CCSER1: variants seen among roughly 807,000 people sequenced by gnomAD.
CCSER1 encodes serine-rich coiled-coil domain-containing protein 1.
Under a neutral mutation model 82.0 loss-of-function variants are expected in CCSER1, and 41 were observed. The observed-to-expected ratio is 0.50, with a 90% CI of 0.39 to 0.65. The LOEUF is 0.65. Ranked by LOEUF, CCSER1 falls within the 30% of genes least tolerant of loss-of-function variation. The pLI is 0.00. For missense variants in CCSER1, 1,119 were observed against 1,064.2 expected, an observed-to-expected ratio of 1.05 and a Z score of -0.72; for synonymous variants, 414 against 383.9, an observed-to-expected ratio of 1.08 and a Z score of -0.92.
chr4:91,540,947 C>T (rs1761559470), intron 10 of CCSER1, among the ~76,000 whole-genome samples: 1 of 152,158 alleles, frequency 6.6e-6, no homozygotes, highest in Admixed American at 6.5e-5. Flanking sequence ...ATTACTATAG[C>T]TTCCTAGTAA....
chr4:90,306,376 G>T (rs1057255483), intron 1 of CCSER1, among the ~76,000 whole-genome samples: 1 of 152,082 alleles, frequency 6.6e-6, no homozygotes, highest in Non-Finnish European at 1.5e-5. Flanking sequence ...ATATGTATAT[G>T]AGGTGATAAG....
chr4:90,850,908 A>C (rs967010042), intron 8 of CCSER1, among the ~76,000 whole-genome samples: 2 of 152,108 alleles, frequency 1.3e-5, no homozygotes, highest in African/African-American at 4.8e-5. Flanking sequence ...TCCCCACCCA[A>C]ATCTCACCTT....
At chr4:90,365,444 C>T (rs921226888) in intron 3 of CCSER1, among the ~76,000 whole-genome samples, 1 of 151,630 alleles carries the variant, frequency 6.6e-6, no homozygotes, top group African/African-American at 2.4e-5. Flanking sequence ...TCTACTTGAA[C>T]TAATCAAAAT....
At chr4:91,419,253 G>T (rs913556535) in intron 10 of CCSER1, among the ~76,000 whole-genome samples, 1 of 151,852 alleles carries the variant, frequency 6.6e-6, no homozygotes, top group Non-Finnish European at 1.5e-5. Flanking sequence ...AAAAATAAAT[G>T]AATAGAAGGC....
chr4:91,542,407 T>G (rs564441856), intron 10 of CCSER1, among the ~76,000 whole-genome samples: 1 of 152,130 alleles, frequency 6.6e-6, no homozygotes, highest in Non-Finnish European at 1.5e-5. Context: ...ATTTTTGTAT[T>G]AGGTGTAAGG....
rs1242281064 is a variant in CCSER1, at chr4:91,525,741, ACCTATGCTTCTTCTT to A, written c.2218-72830_2218-72816del. 1.3e-5 allele frequency among the ~76,000 whole-genome samples: 2 copies of A among 151,982 alleles called. 1 individual carries two copies. Among genetic ancestry groups the A allele is most frequent in the African/African-American group, 4.8e-5 (2 of 41,424 alleles). On this transcript the variant is annotated intron_variant, in intron 10 of 10. Coordinates refer to ENST00000509176, the MANE Select transcript of CCSER1 (RefSeq NM_001145065.2). ...TACTCCAAGTACACTCTACCCTCTTACCTATGCTTCTTCTTATTTGTCTCATATACGTAGCCTCAA... is the reference window on the plus strand; with the variant it reads ...TACTCCAAGTACACTCTACCCTCTTAATTTGTCTCATATACGTAGCCTCAA...
intron 10 of CCSER1, among the ~76,000 whole-genome samples, chr4:91,587,621 C>T (rs1306208365): frequency 2.0e-5 from 3 of 151,684 alleles, no homozygotes; most frequent in African/African-American, 7.3e-5. Flanking sequence ...GCATATCCAT[C>T]GTTCATGAGA....
chr4:90,523,785 A>C (rs1773418212), intron 5 of CCSER1, among the ~76,000 whole-genome samples: 1 of 152,128 alleles, frequency 6.6e-6, no homozygotes, highest in African/African-American at 2.4e-5. Flanking sequence ...AGATTTCCTA[A>C]AAGTTTGTGG....
rs573660487 is a variant in CCSER1, at chr4:90,644,766, G to A, written c.1932+16534G>A. On this transcript the variant is annotated intron_variant, in intron 6 of 10. Transcript: ENST00000509176. ...AGTTTGCTGAGGATAATGGCTTCCA[G>A]CTCCATCTATGTCCCTTCAAAGGAC... Among the ~76,000 whole-genome samples the A allele has an allele frequency of 5.9e-5, 9 of 151,996 alleles. No individual in the cohort carries two copies. The East Asian group carries it at 9.7e-4, about 16-fold the overall frequency.
Position 90,317,771 on chromosome 4 carries a change from G to C in CCSER1, c.1509+4724G>C, listed in dbSNP as rs572427651. On this transcript the variant is annotated intron_variant, in intron 3 of 10. Coordinates refer to ENST00000509176, the MANE Select transcript of CCSER1 (RefSeq NM_001145065.2). Reference sequence around the variant, plus strand: ...TGTCTCCTCCTCCTGTATTCAGGCTGTGGAAGCAGCTAACTCTGCAAACAT... The same window carrying C: ...TGTCTCCTCCTCCTGTATTCAGGCTCTGGAAGCAGCTAACTCTGCAAACAT... Among the ~76,000 whole-genome samples the C allele has an allele frequency of 4.6e-5, 7 of 152,356 alleles. No homozygotes were observed. The South Asian group carries it at 1.4e-3, about 32-fold the overall frequency.
chr4:91,225,635 A>C (rs534432232), intron 10 of CCSER1, among the ~76,000 whole-genome samples: 64 of 151,732 alleles, frequency 4.2e-4, no homozygotes, highest in Non-Finnish European at 8.1e-4. Context: ...AGGAAGGCAG[A>C]ATTTGTGTAT....
At chr4:90,452,656 G>A (rs1244156599) in intron 4 of CCSER1, among the ~76,000 whole-genome samples, 4 of 152,284 alleles carry the variant, frequency 2.6e-5, no homozygotes. Flanking sequence ...TCCTCATTGG[G>A]AAGTCTAAGG....
At chr4:90,292,862 C>G (rs946382240) in intron 1 of CCSER1, among the ~76,000 whole-genome samples, 2 of 151,898 alleles carry the variant, frequency 1.3e-5, no homozygotes, top group Non-Finnish European at 2.9e-5. Context: ...ACTGACTCTA[C>G]ACACACAGAC....
intron 10 of CCSER1, among the ~76,000 whole-genome samples, chr4:91,176,938 A>G (rs1024407659): frequency 1.3e-5 from 2 of 152,176 alleles, no homozygotes; most frequent in Non-Finnish European, 2.9e-5. Context: ...CCTATTTAGT[A>G]TGATATTGGC....
chr4:90,712,703 A>G (rs1162578523), intron 6 of CCSER1, among the ~76,000 whole-genome samples: 1 of 151,274 alleles, frequency 6.6e-6, no homozygotes, highest in Non-Finnish European at 1.5e-5. Context: ...TTAATTTTCT[A>G]TCTCGGTGAT....
At chr4:91,081,824 G>C (rs1477208893) in intron 9 of CCSER1, among the ~76,000 whole-genome samples, 1 of 152,124 alleles carries the variant, frequency 6.6e-6, no homozygotes, top group Non-Finnish European at 1.5e-5. Flanking sequence ...TTGCTTCCAA[G>C]AGAATAAAAT....
At chr4:90,405,876 AC>A (rs1306801191) in intron 4 of CCSER1, among the ~76,000 whole-genome samples, 2 of 152,220 alleles carry the variant, frequency 1.3e-5, no homozygotes, top group Non-Finnish European at 2.9e-5. Flanking sequence ...AAATCTTGAA[AC>A]AAATTTTCAA....
chr4:91,471,300 A>G (rs886577961), intron 10 of CCSER1, among the ~76,000 whole-genome samples: 4 of 152,176 alleles, frequency 2.6e-5, no homozygotes, highest in Non-Finnish European at 5.9e-5. Context: ...TATGCTATGG[A>G]AAATACTATG....
chr4:90,163,331 C>A (rs532848184), intron 1 of CCSER1, among the ~76,000 whole-genome samples: 1 of 152,008 alleles, frequency 6.6e-6, no homozygotes, highest in Non-Finnish European at 1.5e-5. Flanking sequence ...AAATAGAACG[C>A]CATTCTTAAA....
Sources: allele counts gnomAD v4.1 joint callset (sites outside exome capture counted in the v4.1 genomes callset), GRCh38; gene constraint gnomAD v4.1.1; transcripts MANE v1.5; gene names NCBI Gene and HGNC (gene_info 2026-07-23, HGNC 2026-07-21).